The following NT5DC1 variants were observed in gnomAD, a reference collection of about 807,000 sequenced individuals.
NT5DC1 encodes 5'-nucleotidase domain-containing protein 1.
NT5DC1 carries 42 observed loss-of-function variants against 59.4 expected under a neutral mutation model. The observed-to-expected ratio is 0.71, with a 90% CI of 0.55 to 0.92. NT5DC1 has a LOEUF of 0.92. Among genes scored for constraint, NT5DC1 ranks in the 40% least tolerant of loss-of-function variants. NT5DC1 has a pLI of 0.00. For synonymous variants in NT5DC1, 172 were observed against 188.1 expected, an observed-to-expected ratio of 0.91 and a Z score of 0.70; for missense variants, 501 against 537.1, an observed-to-expected ratio of 0.93 and a Z score of 0.66.
At chr6:116,238,708 C>A (rs1782172131) in intron 10 of NT5DC1, among the ~76,000 whole-genome samples, 1 of 151,826 alleles carries the variant, frequency 6.6e-6, no homozygotes, top group Admixed American at 6.6e-5. Flanking sequence ...TTCTAGGTTG[C>A]TTTGTTTGGG....
chr6:116,163,458 C>A (rs1398215572), intron 6 of NT5DC1, among the ~76,000 whole-genome samples: 2 of 151,880 alleles, frequency 1.3e-5, no homozygotes, highest in Non-Finnish European at 2.9e-5. Flanking sequence ...TCTGTGGTAT[C>A]AATTTTAATG....
chr6:116,206,482 AC>A (rs1416846062), intron 6 of NT5DC1, among the ~76,000 whole-genome samples: 2 of 151,976 alleles, frequency 1.3e-5, no homozygotes, highest in Non-Finnish European at 2.9e-5. Context: ...GGTCCATACC[AC>A]CCAGGAACAC....
At position 116,192,874 on chromosome 6, in the gene NT5DC1, G is replaced by C. The variant is rs60525685; in HGVS notation, c.530-28180G>C. On this transcript the variant is annotated intron_variant, in intron 6 of 11. Coordinates refer to ENST00000319550, the MANE Select transcript of NT5DC1 (RefSeq NM_152729.3). ...GTCTTTTCTAGTCTCAACTTCCCCT[G>C]CTTTCTCACGTTGCATCTTCAGCAG... Among the ~76,000 whole-genome samples, 693 of 152,120 alleles carry C rather than the reference G, an allele frequency of 4.6e-3. 6 individuals carry two copies. Among genetic ancestry groups the C allele is most frequent in the African/African-American group, 0.016 (667 of 41,534 alleles).
At chr6:116,163,181 G>C (rs1356946793) in intron 6 of NT5DC1, among the ~76,000 whole-genome samples, 2 of 141,224 alleles carry the variant, frequency 1.4e-5, no homozygotes, top group African/African-American at 5.4e-5. Flanking sequence ...ATTGATACCA[G>C]CTCTTCTTTG....
chr6:116,243,809 G>T (rs570178142), intron 11 of NT5DC1, 100 bp from the exon 12 acceptor site: 3 of 537,366 alleles, frequency 5.6e-6, no homozygotes, highest in Non-Finnish European at 1.0e-5. Context: ...AAAATTTTAC[G>T]TCTAAAAAAT....
chr6:116,225,133 G>C (rs1276123741), intron 8 of NT5DC1, among the ~76,000 whole-genome samples: 1 of 152,102 alleles, frequency 6.6e-6, no homozygotes, highest in Non-Finnish European at 1.5e-5. Context: ...TTACAGACTT[G>C]GGGAAAAATA....
chr6:116,243,068 GT>G (rs1771768898), intron 11 of NT5DC1, among the ~76,000 whole-genome samples: 1 of 152,164 alleles, frequency 6.6e-6, no homozygotes, highest in Non-Finnish European at 1.5e-5. Flanking sequence ...TCAGTCTCGT[GT>G]TTATATTTTA....
rs1285277960 is a variant in NT5DC1 at position 116,245,711 on chromosome 6, G to T, written c.*1687G>T. Reference sequence around the variant, plus strand: ...CCTTATCCATGTTTACTCTGTAAATGGCAAATAATACATCTTTAAATGCTT... The same window carrying T: ...CCTTATCCATGTTTACTCTGTAAATTGCAAATAATACATCTTTAAATGCTT... On this transcript the variant is annotated 3_prime_UTR_variant, in exon 12 of 12. Coordinates refer to ENST00000319550, the MANE Select transcript of NT5DC1 (RefSeq NM_152729.3). The T allele has an allele frequency of 6.6e-6, 1 of 152,060 alleles. No homozygotes were observed. Among genetic ancestry groups the T allele is most frequent in the East Asian group, 1.9e-4 (1 of 5,200 alleles). The allele number at this position is 152,060 out of a possible 1,614,324, so 9.4% of individuals were successfully genotyped here.
At chr6:116,120,205 T>A in intron 6 of NT5DC1, 1 of 1,614,206 alleles carries the variant, frequency 6.2e-7, no homozygotes, top group South Asian at 1.1e-5. Flanking sequence ...TGGCACTCCC[T>A]GAAGCCTGAT....
intron 6 of NT5DC1, among the ~76,000 whole-genome samples, chr6:116,193,234 C>A (rs1781156294): frequency 1.3e-5 from 2 of 152,002 alleles, no homozygotes; most frequent in Admixed American, 6.6e-5. Flanking sequence ...TTTTTAAAAT[C>A]TTGCCCCATA....
At chr6:116,173,031 T>C (rs1333344581) in intron 6 of NT5DC1, among the ~76,000 whole-genome samples, 1 of 152,228 alleles carries the variant, frequency 6.6e-6, no homozygotes, top group Non-Finnish European at 1.5e-5. Context: ...TTCACAGATA[T>C]TATTTTGGAG....
chr6:116,243,961 AGCTG>A lies in NT5DC1; in HGVS notation c.1309_1312del (p.Gly437ThrfsTer15). The A allele has an allele frequency of 6.3e-7, 1 of 1,586,016 alleles. No homozygotes were observed. The highest frequency in any genetic ancestry group is 8.6e-7 in the Non-Finnish European group (1 of 1,158,006). Reference sequence around the variant, plus strand: ...GATTCTCTTCAAGCAATTCAAAAACAGCTGGCTACTATCCAAATCCTCCACTGGT... The same window carrying A: ...GATTCTCTTCAAGCAATTCAAAAACAGCTACTATCCAAATCCTCCACTGGT... On this transcript the variant is annotated frameshift_variant, in exon 12 of 12. Coordinates refer to ENST00000319550, the MANE Select transcript of NT5DC1 (RefSeq NM_152729.3). LOFTEE classifies it high-confidence loss of function.
At chr6:116,114,569 GATGT>G (rs1343461872) in intron 4 of NT5DC1, among the ~76,000 whole-genome samples, 1 of 149,806 alleles carries the variant, frequency 6.7e-6, no homozygotes, top group Non-Finnish European at 1.5e-5. Context: ...TGATTATAAT[GATGT>G]ATTCAAGCAC....
intron 6 of NT5DC1, among the ~76,000 whole-genome samples, chr6:116,168,021 T>G (rs934682719): frequency 3.9e-5 from 6 of 151,968 alleles, no homozygotes; most frequent in African/African-American, 1.4e-4. Context: ...TCTGTTTTGC[T>G]GAGATTACTA....
chr6:116,119,323 A>G (rs1445297941), intron 6 of NT5DC1: 2 of 152,502 alleles, frequency 1.3e-5, no homozygotes, highest in African/African-American at 4.8e-5. Flanking sequence ...TGTGTTAACT[A>G]AATAAGAATA....
At chr6:116,142,950 C>T (rs1413697186) in intron 6 of NT5DC1, among the ~76,000 whole-genome samples, 3 of 152,104 alleles carry the variant, frequency 2.0e-5, no homozygotes, top group Non-Finnish European at 4.4e-5. Context: ...ATTAACTATT[C>T]TCTGTGTTTC....
At chr6:116,121,260 C>G in intron 6 of NT5DC1, 2 of 1,613,916 alleles carry the variant, frequency 1.2e-6, no homozygotes, top group Non-Finnish European at 1.7e-6. Context: ...ATTCCTGGAG[C>G]CCCAGGGAGA....
intron 6 of NT5DC1, 30 bp downstream of exon 6, chr6:116,117,975 AC>A: frequency 9.3e-7 from 1 of 1,070,888 alleles, no homozygotes; most frequent in South Asian, 1.2e-5. Context: ...GCCTTCTAAT[AC>A]GTGTTTGTTA....
intron 6 of NT5DC1, among the ~76,000 whole-genome samples, chr6:116,193,772 TAAAAA>T: frequency 2.8e-5 from 1 of 35,536 alleles, no homozygotes; most frequent in Non-Finnish European, 5.7e-5. Flanking sequence ...CTGTTAAAAA[TAAAAA>T]AAGAGGAGTT....
Sources: allele counts gnomAD v4.1 joint callset (sites outside exome capture counted in the v4.1 genomes callset), GRCh38; gene constraint gnomAD v4.1.1; transcripts MANE v1.5; gene names NCBI Gene and HGNC (gene_info 2026-07-23, HGNC 2026-07-21).